Variants in NEK10 observed in about 807,000 individuals in gnomAD.
NEK10 encodes NIMA related kinase 10, also known as serine/threonine-protein kinase Nek10.
In NEK10, 122 loss-of-function variants were observed where a neutral mutation model predicts 159.8. That is an observed-to-expected ratio of 0.76 (90% confidence interval 0.66 to 0.89). NEK10 has a LOEUF of 0.89. Among genes scored for constraint, NEK10 ranks in the 40% least tolerant of loss-of-function variants. NEK10 has a pLI of 0.00. For synonymous variants in NEK10, 466 were observed against 457.1 expected (o/e 1.02, Z -0.25); for missense variants, 1,342 against 1,323.1 (o/e 1.01, Z -0.22).
chr3:27,365,761 C>T (rs28663475), intron 1 of NEK10, among the ~76,000 whole-genome samples: 7,765 of 151,654 alleles, frequency 0.051, 255 homozygotes, highest in African/African-American at 0.084. Context: ...TACCAGCACG[C>T]GTCACCACAC....
chr3:27,177,730 G>A (rs1436739488), intron 26 of NEK10, among the ~76,000 whole-genome samples: 1 of 152,100 alleles, frequency 6.6e-6, no homozygotes, highest in African/African-American at 2.4e-5. Context: ...GTTCCTTGAA[G>A]AACTGGGGGC....
intron 30 of NEK10, among the ~76,000 whole-genome samples, chr3:27,151,139 C>T (rs565533300): frequency 6.6e-6 from 1 of 152,282 alleles, no homozygotes; most frequent in African/African-American, 2.4e-5. Context: ...GCTAGTCCCT[C>T]TCCATGCTAC....
chr3:27,253,772 G>A (rs1955897753), intron 23 of NEK10, among the ~76,000 whole-genome samples: 2 of 152,084 alleles, frequency 1.3e-5, no homozygotes, highest in Admixed American at 6.6e-5. Flanking sequence ...CCACATCCCA[G>A]GTCCACATTT....
intron 23 of NEK10, among the ~76,000 whole-genome samples, chr3:27,229,658 A>G (rs1245841025): frequency 6.6e-6 from 1 of 152,162 alleles, no homozygotes; most frequent in East Asian, 1.9e-4. Context: ...CCGGAGAGAT[A>G]GATATCATAA....
intron 22 of NEK10, chr3:27,278,685 T>G (rs777977776): frequency 1.0e-6 from 1 of 983,614 alleles, no homozygotes; most frequent in Non-Finnish European, 1.2e-6. Context: ...TGTTTTTTCT[T>G]TTCCTTTTTT....
intron 22 of NEK10, among the ~76,000 whole-genome samples, chr3:27,279,538 T>C (rs1226562122): frequency 6.6e-6 from 1 of 152,218 alleles, no homozygotes; most frequent in East Asian, 1.9e-4. Context: ...AAGAGACTAA[T>C]GGACATATTT....
chr3:27,121,705 C>T (rs1032146796), intron 32 of NEK10, among the ~76,000 whole-genome samples: 60 of 152,094 alleles, frequency 3.9e-4, no homozygotes, highest in African/African-American at 1.3e-3. Flanking sequence ...GTCTTGGGTA[C>T]GTATTTATCA....
chr3:27,167,363 CAT>C (rs965656700), intron 29 of NEK10, among the ~76,000 whole-genome samples: 1 of 152,038 alleles, frequency 6.6e-6, no homozygotes, highest in African/African-American at 2.4e-5. Context: ...ATGAATTAGG[CAT>C]AGTTTGGCGC....
At chr3:27,131,759 G>A (rs942356105) in intron 32 of NEK10, 121 bp downstream of exon 32, 1 of 456,526 alleles carries the variant, frequency 2.2e-6, no homozygotes, top group Admixed American at 4.1e-5. Context: ...AGTATGTAAA[G>A]CAGCAATAAG....
At position 27,110,875 on chromosome 3, in the gene NEK10, T is replaced by C. The variant is rs1416242109; in HGVS notation, c.*397A>G. Reference sequence around the variant, plus strand: ...ATGGAAGGCTAGATGTCTTTAAATATACTTTTAGCAATTCTGAGTATCAAA... The same window carrying C: ...ATGGAAGGCTAGATGTCTTTAAATACACTTTTAGCAATTCTGAGTATCAAA... On this transcript the variant is annotated 3_prime_UTR_variant, in exon 36 of 36. Transcript: ENST00000691995. The C allele has an allele frequency of 1.3e-5, 2 of 158,590 alleles. No individual in the cohort carries two copies. Among genetic ancestry groups the C allele is most frequent in the South Asian group, 2.0e-4 (1 of 4,902 alleles). 9.8% of individuals were successfully genotyped at this position (158,590 alleles called of 1,614,324 possible).
rs1047299835 is a variant in NEK10, at chr3:27,110,436, G to A, written c.*836C>T. ...TGTAATAAGGAGGGATTTAGGATGA[G>A]GAATATTGCATCTTTTTCATAGATT... On this transcript the variant is annotated 3_prime_UTR_variant, in exon 36 of 36. Transcript: ENST00000691995. The A allele has an allele frequency of 1.3e-5, 2 of 152,260 alleles. No individual in the cohort carries two copies. The highest frequency in any genetic ancestry group is 2.9e-5 in the Non-Finnish European group (2 of 68,008). The allele number at this position is 152,260 out of a possible 1,614,324, so 9.4% of individuals were successfully genotyped here. A position where few individuals can be genotyped will look rare whatever the true frequency, so the allele number is the denominator to read the frequency against.
At chr3:27,316,040 CATG>C (rs1353987265) in intron 6 of NEK10, among the ~76,000 whole-genome samples, 2 of 152,188 alleles carry the variant, frequency 1.3e-5, no homozygotes, top group Non-Finnish European at 2.9e-5. Context: ...TCCGTAACTC[CATG>C]GAGGGCATTA....
chr3:27,321,310 T>C (rs1303049277), intron 6 of NEK10, among the ~76,000 whole-genome samples: 1 of 152,184 alleles, frequency 6.6e-6, no homozygotes, highest in African/African-American at 2.4e-5. Flanking sequence ...TGTTTATACA[T>C]ACTGAGTCAG....
At chr3:27,269,183 G>A (rs1021708277) in intron 22 of NEK10, among the ~76,000 whole-genome samples, 3 of 152,166 alleles carry the variant, frequency 2.0e-5, no homozygotes, top group African/African-American at 7.2e-5. Context: ...AAGATGCTGT[G>A]AACGTTGTTA....
rs1455853384 is a variant in NEK10, at chr3:27,107,021, C to G, written c.*4251G>C. 2.6e-5 allele frequency among the ~76,000 whole-genome samples: 4 copies of G among 152,028 alleles called. No individual in the cohort carries two copies. On this transcript the variant is annotated 3_prime_UTR_variant, in exon 36 of 36. Coordinates refer to ENST00000691995, the MANE Select transcript of NEK10 (RefSeq NM_001394966.1). ...TTCTCATGTTTTGAGGAATAACATT[C>G]AGTTTTGAATTAAGACTACAGTTCA...
At chr3:27,120,699 G>T (rs1436871365) in intron 32 of NEK10, among the ~76,000 whole-genome samples, 1 of 152,010 alleles carries the variant, frequency 6.6e-6, no homozygotes, top group Non-Finnish European at 1.5e-5. Context: ...TTAATTCCCA[G>T]CACTCTGATG....
intron 11 of NEK10, among the ~76,000 whole-genome samples, 163 bp from the exon 12 acceptor site, chr3:27,305,134 C>A (rs1437522531): frequency 6.6e-6 from 1 of 152,170 alleles, no homozygotes; most frequent in Admixed American, 6.5e-5. Context: ...AAGCCAAACA[C>A]TTTTAGCTTT....
chr3:27,306,909 C>A (rs974196154), intron 11 of NEK10, among the ~76,000 whole-genome samples: 3 of 152,118 alleles, frequency 2.0e-5, no homozygotes, highest in African/African-American at 4.8e-5. Flanking sequence ...CATGTCCAAG[C>A]ACATACTGTT....
At chr3:27,148,395 G>A (rs1378392554) in intron 30 of NEK10, among the ~76,000 whole-genome samples, 2 of 152,054 alleles carry the variant, frequency 1.3e-5, no homozygotes, top group Non-Finnish European at 2.9e-5. Flanking sequence ...CTTAGCTACT[G>A]GTGCTTACAT....
Sources: gnomAD v4.1 joint callset for allele counts (sites outside exome capture counted in the v4.1 genomes callset) on GRCh38, gnomAD v4.1.1 for gene constraint, MANE v1.5 for transcripts, NCBI Gene and HGNC (gene_info 2026-07-23, HGNC 2026-07-21) for gene names.